The following DNM1L variants were observed in gnomAD, a reference collection of about 807,000 sequenced individuals.
DNM1L encodes dynamin 1L.
Under a neutral mutation model 92.8 loss-of-function variants are expected in DNM1L, and 33 were observed. That is an observed-to-expected ratio of 0.36 (90% CI 0.27 to 0.48). The LOEUF (loss-of-function observed/expected upper bound fraction) is 0.48. Among genes scored for constraint, DNM1L ranks in the 20% least tolerant of loss-of-function variants. The probability of loss-of-function intolerance (pLI) is 0.99; values close to 1 mark genes in which losing one functional copy is unlikely to be tolerated. For missense variants in DNM1L, 485 were observed against 888.8 expected (o/e 0.55, Z 5.78); for synonymous variants, 284 against 305.0 (o/e 0.93, Z 0.72).
At chr12:32,695,073 A>G (rs1317818891) in intron 1 of DNM1L, among the ~76,000 whole-genome samples, 1 of 152,206 alleles carries the variant, frequency 6.6e-6, no homozygotes, top group Non-Finnish European at 1.5e-5. Flanking sequence ...GTATCCTCTG[A>G]AGAATACAGA....
chr12:32,719,774 A>G (rs1485388473), intron 7 of DNM1L, among the ~76,000 whole-genome samples: 1 of 152,200 alleles, frequency 6.6e-6, no homozygotes, highest in African/African-American at 2.4e-5. Flanking sequence ...AGCAATTTGC[A>G]AATGGTATCT....
At chr12:32,690,761 T>C (rs1422058285) in intron 1 of DNM1L, among the ~76,000 whole-genome samples, 1 of 152,194 alleles carries the variant, frequency 6.6e-6, no homozygotes, top group Non-Finnish European at 1.5e-5. Flanking sequence ...GTTCGATTAA[T>C]GTTAGCCATT....
rs1293473885 is a variant in DNM1L, at chr12:32,744,616, G to A, written c.*1206G>A. 3 of 263,724 alleles carry A rather than the reference G, an allele frequency of 1.1e-5. No individual in the cohort carries two copies. Among genetic ancestry groups the A allele is most frequent in the African/African-American group, 2.3e-5 (1 of 42,722 alleles). The allele number at this position is 263,724 out of a possible 1,614,324, so 16.3% of individuals were successfully genotyped here. The stretch of plus-strand genomic sequence containing the variant: ...TAATCCCAGCTACTCGGGAGGGTGA[G>A]GCAGGAGAATTGCTTGACCCTGGGA... On this transcript the variant is annotated 3_prime_UTR_variant, in exon 20 of 20. Transcript: ENST00000549701.
intron 18 of DNM1L, among the ~76,000 whole-genome samples, chr12:32,742,093 T>G (rs1346186233): frequency 3.3e-5 from 5 of 152,102 alleles, no homozygotes; most frequent in African/African-American, 1.2e-4. Flanking sequence ...AGGTAAAGTA[T>G]CAAGAATTGT....
chr12:32,739,991 A>G, intron 16 of DNM1L, 73 bp from the exon 17 acceptor site: 1 of 1,598,168 alleles, frequency 6.3e-7, no homozygotes, highest in Non-Finnish European at 8.6e-7. Context: ...GACTACTGTC[A>G]AATAAAATGA....
chr12:32,731,591 G>A lies in DNM1L; in HGVS notation c.1356+80G>A. 1 of 1,555,124 alleles carries A rather than the reference G, an allele frequency of 6.4e-7. No homozygotes were observed. Among genetic ancestry groups the A allele is most frequent in the Non-Finnish European group, 8.8e-7 (1 of 1,137,386 alleles). ...GTGGTTTCACTGGGTGGAAGGAAAT[G>A]TATAAGATGGGATACAAGGTAAAAT... is the stretch of plus-strand genomic sequence containing the variant. On this transcript the variant is annotated intron_variant, in intron 11 of 19. Coordinates refer to ENST00000549701, the MANE Select transcript of DNM1L (RefSeq NM_012062.5). This position sits in a 1 kb window ranked among gnomAD's most constrained non-coding sequence, Gnocchi z 5.1.
intron 1 of DNM1L, among the ~76,000 whole-genome samples, chr12:32,688,584 T>C (rs1592567347): frequency 6.6e-6 from 1 of 152,260 alleles, no homozygotes; most frequent in African/African-American, 2.4e-5. Flanking sequence ...TCTCTCTTGC[T>C]GCTTTTAGCA....
At chr12:32,741,944 T>A (rs1955328681) in intron 18 of DNM1L, among the ~76,000 whole-genome samples, 1 of 152,188 alleles carries the variant, frequency 6.6e-6, no homozygotes, top group South Asian at 2.1e-4. Context: ...AAGTGACATA[T>A]CTTTTGTGTG....
chr12:32,695,835 T>C (rs771355285), intron 1 of DNM1L, among the ~76,000 whole-genome samples: 2 of 152,054 alleles, frequency 1.3e-5, no homozygotes, highest in Non-Finnish European at 2.9e-5. Flanking sequence ...GAAGACAAAT[T>C]AGAAGGAACA....
intron 8 of DNM1L, among the ~76,000 whole-genome samples, chr12:32,721,444 T>C (rs1232260251): frequency 2.0e-5 from 3 of 152,130 alleles, no homozygotes; most frequent in Non-Finnish European, 2.9e-5. Context: ...GAAGAATTGA[T>C]TGGGTGGCTT....
At chr12:32,711,889 A>G (rs1325023534) in intron 5 of DNM1L, among the ~76,000 whole-genome samples, 2 of 152,078 alleles carry the variant, frequency 1.3e-5, no homozygotes, top group Admixed American at 1.3e-4. Context: ...TCTCTAAATA[A>G]ATAAATAAAT....
chr12:32,703,853 C>T (rs1565503983), intron 2 of DNM1L, among the ~76,000 whole-genome samples: 2 of 152,122 alleles, frequency 1.3e-5, no homozygotes, highest in South Asian at 4.1e-4. Context: ...ATTTATTTAG[C>T]ATAGGATTCT....
chr12:32,742,439 G>A, intron 18 of DNM1L, 150 bp from the exon 19 acceptor site: 1 of 1,005,134 alleles, frequency 9.9e-7, no homozygotes, highest in Non-Finnish European at 1.5e-6. Flanking sequence ...TTACAGTTAA[G>A]CAAAAATCTA....
At position 32,701,344 on chromosome 12, in the gene DNM1L, A is replaced by G. The variant is rs966689892; in HGVS notation, c.103-71A>G. The G allele has an allele frequency of 5.2e-5, 70 of 1,334,814 alleles. No homozygotes were observed. In the African/African-American group the frequency reaches 8.3e-4, roughly 16 times the overall value. The allele number at this position is 1,334,814 out of a possible 1,614,324, so 82.7% of individuals were successfully genotyped here. A position where few individuals can be genotyped will look rare whatever the true frequency, so the allele number is the denominator to read the frequency against. On this transcript the variant is annotated intron_variant, in intron 1 of 19. Transcript: ENST00000549701. ...AATAATTCTGTATGCTGGTTTGTTA[A>G]TATAGTTTATTGAATTAACAAAAAA...
At chr12:32,723,693 C>CAA (rs1172541097) in intron 9 of DNM1L, among the ~76,000 whole-genome samples, 1,047 of 55,124 alleles carry the variant, frequency 0.019, 14 homozygotes, top group Non-Finnish European at 0.035. Flanking sequence ...GACTCTGTCT[C>CAA]AAAAAAAAAA....
At chr12:32,719,789 G>A (rs574592531) in intron 7 of DNM1L, among the ~76,000 whole-genome samples, 37 of 152,206 alleles carry the variant, frequency 2.4e-4, no homozygotes, top group Admixed American at 1.2e-3. Flanking sequence ...GTATCTCTTG[G>A]AATCCTCACA....
rs1280084915 is a variant in DNM1L at position 32,743,909 on chromosome 12, A to G, written c.*499A>G. ...AGTCATTGTATTCCACCTGTCCTTC[A>G]ATTTAGTTTTTTCTGAGCTTCTTTG... On this transcript the variant is annotated 3_prime_UTR_variant, in exon 20 of 20. Coordinates refer to ENST00000549701, the MANE Select transcript of DNM1L (RefSeq NM_012062.5). The G allele has an allele frequency of 6.3e-6, 1 of 158,212 alleles. No individual in the cohort carries two copies. Among genetic ancestry groups the G allele is most frequent in the East Asian group, 1.8e-4 (1 of 5,592 alleles). The allele number at this position is 158,212 out of a possible 1,614,324, so 9.8% of individuals were successfully genotyped here.
At chr12:32,712,606 C>T (rs1362817268) in intron 5 of DNM1L, among the ~76,000 whole-genome samples, 1 of 132,528 alleles carries the variant, frequency 7.5e-6, no homozygotes, top group East Asian at 2.2e-4. Context: ...GCTATGATCG[C>T]ACCACTGCAC....
In DNM1L at chr12:32,744,895, TAAG is replaced by T. The variant is rs1280310866; in HGVS notation, c.*1487_*1489del. On this transcript the variant is annotated 3_prime_UTR_variant, in exon 20 of 20. Transcript: ENST00000549701. ...ATTTTAAGATGTACTTAGAAATCCT[TAAG>T]ACATCTAGCCCCGTCTCTAATAGAC... 2.0e-6 allele frequency: 1 copy of T among 511,152 alleles called. No homozygotes were observed. Among genetic ancestry groups the T allele is most frequent in the Non-Finnish European group, 3.9e-6 (1 of 257,074 alleles). 31.7% of individuals were successfully genotyped at this position (511,152 alleles called of 1,614,324 possible).
Sources: gnomAD v4.1 joint callset for allele counts (sites outside exome capture counted in the v4.1 genomes callset) on GRCh38, gnomAD v4.1.1 for gene constraint, Gnocchi (gnomAD v3.1) non-coding constraint, MANE v1.5 for transcripts, NCBI Gene and HGNC (gene_info 2026-07-23, HGNC 2026-07-21) for gene names.